Variants in ATP13A5 observed in about 807,000 individuals in gnomAD.
ATP13A5 encodes the protein probable cation-transporting ATPase 13A5.
ATP13A5 carries 149 observed loss-of-function variants against 150.2 expected under a neutral mutation model. The observed-to-expected ratio is 0.99, with a 90% confidence interval of 0.87 to 1.14. The LOEUF (loss-of-function observed/expected upper bound fraction) is 1.14, where lower values mean the gene tolerates loss of function less well. Among genes scored for constraint, ATP13A5 ranks in the 50% most tolerant of loss-of-function variants. The pLI is 0.00. For missense variants in ATP13A5, 1,383 were observed against 1,449.3 expected, an observed-to-expected ratio of 0.95 and a Z score of 0.74; for synonymous variants, 497 against 522.2, an observed-to-expected ratio of 0.95 and a Z score of 0.66.
chr3:193,305,042 T>A (rs1353689704), intron 23 of ATP13A5, among the ~76,000 whole-genome samples: 2 of 152,016 alleles, frequency 1.3e-5, no homozygotes, highest in Admixed American at 1.3e-4. Context: ...GAACCACAAC[T>A]CCAGATGAGA....
intron 5 of ATP13A5, among the ~76,000 whole-genome samples, chr3:193,359,954 T>C (rs1248115197): frequency 6.6e-6 from 1 of 152,052 alleles, no homozygotes; most frequent in Non-Finnish European, 1.5e-5. Context: ...GAGTGAAAAA[T>C]AAGGTGAAGA....
In ATP13A5 at chr3:193,274,867, A is replaced by G. The variant is rs1239820711; in HGVS notation, c.*175T>C. 9 of 800,554 alleles carry G rather than the reference A, an allele frequency of 1.1e-5. No homozygotes were observed. The highest frequency in any genetic ancestry group is 1.8e-5 in the Non-Finnish European group (9 of 499,392). 49.6% of individuals were successfully genotyped at this position (800,554 alleles called of 1,614,324 possible). A position where few individuals can be genotyped will look rare whatever the true frequency, so the allele number is the denominator to read the frequency against. On this transcript the variant is annotated 3_prime_UTR_variant, in exon 30 of 30. Coordinates refer to ENST00000342358, the MANE Select transcript of ATP13A5 (RefSeq NM_198505.4). ...TTTTTCTCTCATTGGTAAAGCATAC[A>G]GTCAGAATAAGCCTATCTAAGGTCC...
At chr3:193,295,334 T>C (rs61246662) in intron 25 of ATP13A5, among the ~76,000 whole-genome samples, 5,977 of 152,074 alleles carry the variant, frequency 0.039, 342 homozygotes, top group African/African-American at 0.13. Context: ...TATCCAACTT[T>C]CCTATTTTGA....
At position 193,280,724 on chromosome 3, in the gene ATP13A5, AT is replaced by A. The variant is rs563093779; in HGVS notation, c.3227-1271del. On this transcript the variant is annotated intron_variant, in intron 27 of 29. Coordinates refer to ENST00000342358, the MANE Select transcript of ATP13A5 (RefSeq NM_198505.4). ...TTAGAGACGGTACCTTAGAAATATT[AT>A]TTTTTAATAGAATTATCACCTTCAG... Among the ~76,000 whole-genome samples, 10 of 152,284 alleles carry A rather than the reference AT, an allele frequency of 6.6e-5. No homozygotes were observed. The East Asian group carries it at 1.7e-3, about 26-fold the overall frequency.
At chr3:193,367,307 G>A (rs372023039) in intron 1 of ATP13A5, among the ~76,000 whole-genome samples, 18 of 152,040 alleles carry the variant, frequency 1.2e-4, no homozygotes, top group African/African-American at 3.6e-4. Flanking sequence ...CAATAAATAC[G>A]AATATTTTGT....
chr3:193,339,650 T>C (rs1712037306), intron 9 of ATP13A5, among the ~76,000 whole-genome samples: 1 of 152,216 alleles, frequency 6.6e-6, no homozygotes, highest in Non-Finnish European at 1.5e-5. Context: ...ACAATTATGA[T>C]ATTCATCCAT....
intron 5 of ATP13A5, among the ~76,000 whole-genome samples, chr3:193,357,413 T>C (rs1282853398): frequency 6.6e-6 from 1 of 152,186 alleles, no homozygotes; most frequent in Non-Finnish European, 1.5e-5. Flanking sequence ...CAGCCTGGCA[T>C]GCCCCTTGCT....
In ATP13A5 at chr3:193,301,323, T is replaced by G. The variant is rs1269056683; in HGVS notation, c.2679-16A>C. The G allele has an allele frequency of 3.8e-6, 6 of 1,589,332 alleles. No individual in the cohort carries two copies. Among genetic ancestry groups the G allele is most frequent in the Non-Finnish European group, 5.1e-6 (6 of 1,167,746 alleles). On this transcript the variant is annotated splice_polypyrimidine_tract_variant and intron_variant, in intron 23 of 29. Transcript: ENST00000342358. ...TCGGCCTTCTCTGTTTAAAAAGAAATAAAAATAAAAATTGGTTATGTATGA... is the reference window on the plus strand; with the variant it reads ...TCGGCCTTCTCTGTTTAAAAAGAAAGAAAAATAAAAATTGGTTATGTATGA...
At chr3:193,285,950 A>C (rs1717706846) in intron 26 of ATP13A5, among the ~76,000 whole-genome samples, 1 of 152,172 alleles carries the variant, frequency 6.6e-6, no homozygotes, top group Non-Finnish European at 1.5e-5. Flanking sequence ...TTTATTTTAC[A>C]TCTTTGGGAT....
intron 1 of ATP13A5, among the ~76,000 whole-genome samples, chr3:193,374,973 C>G (rs996588141): frequency 1.3e-5 from 2 of 152,164 alleles, no homozygotes; most frequent in African/African-American, 4.8e-5. Context: ...AAGGCCCTCA[C>G]CAGGTGTGGT....
At chr3:193,345,143 C>G in intron 7 of ATP13A5, 68 bp from the exon 8 acceptor site, 1 of 1,388,204 alleles carries the variant, frequency 7.2e-7, no homozygotes, top group Non-Finnish European at 1.0e-6. Flanking sequence ...GATCTCATTA[C>G]AGTAAATACC....
At chr3:193,308,537 G>A (rs1351777150) in intron 21 of ATP13A5, among the ~76,000 whole-genome samples, 1 of 151,966 alleles carries the variant, frequency 6.6e-6, no homozygotes, top group East Asian at 1.9e-4. Flanking sequence ...AAATAATCAT[G>A]CTATATATGT....
intron 7 of ATP13A5, among the ~76,000 whole-genome samples, chr3:193,345,476 T>G (rs746062233): frequency 3.3e-5 from 5 of 152,102 alleles, no homozygotes; most frequent in Non-Finnish European, 7.4e-5. Context: ...GGATGCCTGA[T>G]GGTCAGAATA....
chr3:193,310,798 C>T (rs1718815241), intron 20 of ATP13A5, 81 bp from the exon 21 acceptor site: 15 of 990,444 alleles, frequency 1.5e-5, no homozygotes, highest in South Asian at 3.2e-5. Flanking sequence ...TGAAAAATCA[C>T]TCCTGGTTAC....
rs757097538 is a variant in ATP13A5 at position 193,324,839 on chromosome 3, T to C, written c.1674+25A>G. 3.7e-6 allele frequency: 6 copies of C among 1,603,934 alleles called. No individual in the cohort carries two copies. The Admixed American group carries it at 1.0e-4, about 28-fold the overall frequency. ...CAGTAAAGATTTCCTCAGATTCTCA[T>C]CTTTCCATTAAACTATCACCTTACC... On this transcript the variant is annotated intron_variant, in intron 14 of 29. Coordinates refer to ENST00000342358, the MANE Select transcript of ATP13A5 (RefSeq NM_198505.4).
rs765480765 is a variant in ATP13A5, at chr3:193,322,491, C to G, written c.1758G>C (p.Lys586Asn). 6.2e-6 allele frequency: 10 copies of G among 1,611,172 alleles called. No homozygotes were observed. Among genetic ancestry groups the G allele is most frequent in the Middle Eastern group, 1.6e-4 (1 of 6,078 alleles). ...TGTGATGTAAAGAAGGAAATCATAC[C>G]TTACTGGCTTTTGGTCCTGGTTTTA... ...NIIKPGPKASKSPVEAIITLC... is the reference protein window; with the variant it reads ...NIIKPGPKASNSPVEAIITLC... Residue 586 changes from lysine (K) to asparagine (N), a missense_variant and splice_region_variant, in exon 15 of 30, where the codon AAG becomes AAC. Coordinates refer to ENST00000342358, the MANE Select transcript of ATP13A5 (RefSeq NM_198505.4).
chr3:193,378,074 ATGTGTGTG>A (rs5855484), intron 1 of ATP13A5, among the ~76,000 whole-genome samples: 2,831 of 150,796 alleles, frequency 0.019, 77 homozygotes, highest in African/African-American at 0.058. Flanking sequence ...TTATTTTTAA[ATGTGTGTG>A]TGTGTGTGTG....
chr3:193,336,335 C>A (rs982040421), intron 9 of ATP13A5, among the ~76,000 whole-genome samples: 8 of 152,040 alleles, frequency 5.3e-5, no homozygotes, highest in Non-Finnish European at 1.0e-4. Context: ...TGTGCTGCAC[C>A]CATTAAATCA....
chr3:193,322,524 T>C lies in ATP13A5; in HGVS notation c.1725A>G (p.Ser575=). ...VDSCKFGTSV[S]NIIKPGPKAS... ...CTTTTGGTCCTGGTTTTATGATGTT[T>C]GAAACTGACGTCCCAAATTTGCAGG... Residue 575 remains serine (S), a synonymous_variant, in exon 15 of 30, where the codon TCA becomes TCG. Transcript: ENST00000342358. The C allele has an allele frequency of 6.2e-7, 1 of 1,614,004 alleles. No individual in the cohort carries two copies. The highest frequency in any genetic ancestry group is 8.5e-7 in the Non-Finnish European group (1 of 1,179,914).
Sources: gnomAD v4.1 joint callset for allele counts (sites outside exome capture counted in the v4.1 genomes callset) on GRCh38, gnomAD v4.1.1 for gene constraint, MANE v1.5 for transcripts, NCBI Gene and HGNC (gene_info 2026-07-23, HGNC 2026-07-21) for gene names.